The following AGAP1 variants were observed in gnomAD, a reference collection of about 807,000 sequenced individuals.
AGAP1 encodes arf-GAP with GTPase, ANK repeat and PH domain-containing protein 1.
AGAP1 carries 29 observed loss-of-function variants against 105.3 expected under a neutral mutation model. The observed-to-expected ratio is 0.28, with a 90% confidence interval of 0.21 to 0.38. AGAP1 has a LOEUF of 0.38. Ranked by LOEUF, AGAP1 falls within the 10% of genes least tolerant of loss-of-function variation. The pLI, the probability that AGAP1 is intolerant of heterozygous loss-of-function variation, is 1.00. For synonymous variants in AGAP1, 509 were observed against 485.9 expected, an observed-to-expected ratio of 1.05 and a Z score of -0.63; for missense variants, 998 against 1,165.1, an observed-to-expected ratio of 0.86 and a Z score of 2.09.
chr2:235,894,850 C>T (rs1031243707), intron 10 of AGAP1, among the ~76,000 whole-genome samples: 1 of 152,202 alleles, frequency 6.6e-6, no homozygotes, highest in Non-Finnish European at 1.5e-5. Context: ...TTGTGGTTTC[C>T]GATTCTGCCG....
At position 236,036,759 on chromosome 2, in the gene AGAP1, G is replaced by C. The variant is rs1293981192; in HGVS notation, c.1800+44G>C. On this transcript the variant is annotated intron_variant, in intron 14 of 17. Coordinates refer to ENST00000304032, the MANE Select transcript of AGAP1 (RefSeq NM_001037131.3). This position sits in a 1 kb window ranked among gnomAD's most constrained non-coding sequence, Gnocchi z 5.7. Reference sequence around the variant, plus strand: ...CAAAACCAAGGCTGGGGCTGCTCAGGGGGAGTGCGGGCCCCAAGTAATGCC... The same window carrying C: ...CAAAACCAAGGCTGGGGCTGCTCAGCGGGAGTGCGGGCCCCAAGTAATGCC... 1.2e-6 allele frequency: 2 copies of C among 1,609,818 alleles called. No individual in the cohort carries two copies. Among genetic ancestry groups the C allele is most frequent in the East Asian group, 4.5e-5 (2 of 44,862 alleles).
rs1350875003 is a variant in AGAP1, at chr2:235,733,173, C to T, written c.311-7790C>T. Among the ~76,000 whole-genome samples the T allele has an allele frequency of 6.6e-6, 1 of 152,202 alleles. No individual in the cohort carries two copies. Among genetic ancestry groups the T allele is most frequent in the Non-Finnish European group, 1.5e-5 (1 of 68,032 alleles). ...GTGGGAGGAATATATCATTGTTCCCCTTGAGGTGCCCCCCTGCGTGGGTCA... is the reference window on the plus strand; with the variant it reads ...GTGGGAGGAATATATCATTGTTCCCTTTGAGGTGCCCCCCTGCGTGGGTCA... On this transcript the variant is annotated intron_variant, in intron 3 of 17. Coordinates refer to ENST00000304032, the MANE Select transcript of AGAP1 (RefSeq NM_001037131.3). The surrounding 1 kb of genome is among the most constrained non-coding windows in gnomAD (Gnocchi z 5.0).
At position 235,953,194 on chromosome 2, in the gene AGAP1, A is replaced by C. The variant is rs1195914552; in HGVS notation, c.1484-15268A>C. Among the ~76,000 whole-genome samples, 7 of 152,204 alleles carry C rather than the reference A, an allele frequency of 4.6e-5. No homozygotes were observed. The highest frequency in any genetic ancestry group is 1.4e-4 in the African/African-American group (6 of 41,450). ...AATCACCTGGAACAAGAAGTTTTTC[A>C]AATATTTTAGGTGTTTACAAAATAT... On this transcript the variant is annotated intron_variant, in intron 12 of 17. Transcript: ENST00000304032. This position sits in a 1 kb window ranked among gnomAD's most constrained non-coding sequence, Gnocchi z 5.2.
Position 235,888,495 on chromosome 2 carries a change from G to A in AGAP1, c.1155+5046G>A, listed in dbSNP as rs559025808. 2.6e-5 allele frequency among the ~76,000 whole-genome samples: 4 copies of A among 152,204 alleles called. 1 individual carries two copies. The highest frequency in any genetic ancestry group is 4.1e-4 in the South Asian group (2 of 4,822). On this transcript the variant is annotated intron_variant, in intron 10 of 17. Transcript: ENST00000304032. This position sits in a 1 kb window ranked among gnomAD's most constrained non-coding sequence, Gnocchi z 4.8. ...TAGACAAGACAGGCAAGCAAGGGCC[G>A]AGTTGATAGACCTGCCTGGGCAACA...
chr2:235,868,391 G>A (rs1407392973), intron 9 of AGAP1, among the ~76,000 whole-genome samples: 1 of 152,142 alleles, frequency 6.6e-6, no homozygotes, highest in Non-Finnish European at 1.5e-5. Context: ...GGCCCCCGGT[G>A]TCTGTTAAAG....
chr2:235,991,585 C>A (rs959835075), intron 13 of AGAP1, among the ~76,000 whole-genome samples: 3 of 152,136 alleles, frequency 2.0e-5, no homozygotes, highest in Non-Finnish European at 4.4e-5. Flanking sequence ...CATTTCATTT[C>A]GTATAAGATT....
At chr2:235,528,716 G>A (rs1306893842) in intron 1 of AGAP1, among the ~76,000 whole-genome samples, 2 of 152,074 alleles carry the variant, frequency 1.3e-5, no homozygotes, top group Non-Finnish European at 2.9e-5. Context: ...TCGCTCTGTC[G>A]CCCAGGCTGG....
At position 235,874,743 on chromosome 2, in the gene AGAP1, G is replaced by A. The variant is rs1290340982; in HGVS notation, c.1051-8602G>A. Among the ~76,000 whole-genome samples, 1 of 152,126 alleles carries A rather than the reference G, an allele frequency of 6.6e-6. No individual in the cohort carries two copies. Among genetic ancestry groups the A allele is most frequent in the Non-Finnish European group, 1.5e-5 (1 of 68,006 alleles). The stretch of plus-strand genomic sequence containing the variant: ...TGGACATGTGAATGTGAAAGAGAAG[G>A]CACTCATGTATAGAACTCATTACAA... On this transcript the variant is annotated intron_variant, in intron 9 of 17. Coordinates refer to ENST00000304032, the MANE Select transcript of AGAP1 (RefSeq NM_001037131.3). The surrounding 1 kb of genome is among the most constrained non-coding windows in gnomAD (Gnocchi z 4.5).
rs1056274411 is a variant in AGAP1, at chr2:235,989,426, G to A, written c.1645+20803G>A. ...GGTGAAAACATCAGGAGGAGGGTCC[G>A]CAGCTCGATGGTGATGAGTGTAGGG... On this transcript the variant is annotated intron_variant, in intron 13 of 17. Transcript: ENST00000304032. This position sits in a 1 kb window ranked among gnomAD's most constrained non-coding sequence, Gnocchi z 4.4. Among the ~76,000 whole-genome samples, 5 of 152,144 alleles carry A rather than the reference G, an allele frequency of 3.3e-5. No individual in the cohort carries two copies. Among genetic ancestry groups the A allele is most frequent in the South Asian group, 2.1e-4 (1 of 4,814 alleles).
At position 235,960,338 on chromosome 2, in the gene AGAP1, C is replaced by G. The variant is rs1024859863; in HGVS notation, c.1484-8124C>G. 3.3e-5 allele frequency among the ~76,000 whole-genome samples: 5 copies of G among 152,128 alleles called. No individual in the cohort carries two copies. The highest frequency in any genetic ancestry group is 7.2e-5 in the African/African-American group (3 of 41,422). On this transcript the variant is annotated intron_variant, in intron 12 of 17. Coordinates refer to ENST00000304032, the MANE Select transcript of AGAP1 (RefSeq NM_001037131.3). The surrounding 1 kb of genome is among the most constrained non-coding windows in gnomAD (Gnocchi z 4.9). ...TTTTATCCCATGACAACCCTGTGTC[C>G]TCTGAAAAGCTTGCCTCCTTCTCCC... is the stretch of plus-strand genomic sequence containing the variant.
rs551721807 is a variant in AGAP1, at chr2:235,710,366, G to A, written c.222+1129G>A. 2.0e-4 allele frequency among the ~76,000 whole-genome samples: 30 copies of A among 152,368 alleles called. No individual in the cohort carries two copies. The South Asian group carries it at 6.2e-3, about 32-fold the overall frequency. ...TTAAACTTAGGAAATGAAGTACAATGAGTGGGAGGTGCCCTGAGGTGGGAA... is the reference window on the plus strand; with the variant it reads ...TTAAACTTAGGAAATGAAGTACAATAAGTGGGAGGTGCCCTGAGGTGGGAA... On this transcript the variant is annotated intron_variant, in intron 2 of 17. Coordinates refer to ENST00000304032, the MANE Select transcript of AGAP1 (RefSeq NM_001037131.3).
At chr2:235,995,196 T>C (rs1488525205) in intron 13 of AGAP1, among the ~76,000 whole-genome samples, 1 of 151,764 alleles carries the variant, frequency 6.6e-6, no homozygotes, top group East Asian at 1.9e-4. Context: ...AAAGCTGTCA[T>C]GCCCACCACC....
At position 235,535,991 on chromosome 2, in the gene AGAP1, C is replaced by T. The variant is rs775946417; in HGVS notation, c.163+41142C>T. On this transcript the variant is annotated intron_variant, in intron 1 of 17. Transcript: ENST00000304032. The surrounding 1 kb of genome is among the most constrained non-coding windows in gnomAD (Gnocchi z 5.1). Reference sequence around the variant, plus strand: ...GCTCTCCCAGAGCCGGCCTCACCTTCGAGACTCATGCTACTAAGTTGTCTT... The same window carrying T: ...GCTCTCCCAGAGCCGGCCTCACCTTTGAGACTCATGCTACTAAGTTGTCTT... Among the ~76,000 whole-genome samples, 1 of 152,020 alleles carries T rather than the reference C, an allele frequency of 6.6e-6. No individual in the cohort carries two copies. Among genetic ancestry groups the T allele is most frequent in the Non-Finnish European group, 1.5e-5 (1 of 68,030 alleles).
chr2:235,684,865 G>A (rs1035997565), intron 1 of AGAP1, among the ~76,000 whole-genome samples: 19 of 152,164 alleles, frequency 1.2e-4, no homozygotes, highest in African/African-American at 4.3e-4. Flanking sequence ...AGGAACACCA[G>A]GGCCTATTTT....
Position 236,056,448 on chromosome 2 carries a change from A to G in AGAP1, c.2114+7167A>G, listed in dbSNP as rs771523177. Among the ~76,000 whole-genome samples, 8 of 152,250 alleles carry G rather than the reference A, an allele frequency of 5.3e-5. No individual in the cohort carries two copies. The highest frequency in any genetic ancestry group is 1.0e-4 in the Non-Finnish European group (7 of 68,040). On this transcript the variant is annotated intron_variant, in intron 16 of 17. Transcript: ENST00000304032. The surrounding 1 kb of genome is among the most constrained non-coding windows in gnomAD (Gnocchi z 4.6). ...CCCCTGGCAGATGAGAAGGCAAGTC[A>G]TCAGCAGGCAGCAACTGGCTTCCAG...
chr2:235,773,568 G>C (rs1002319438), intron 6 of AGAP1, among the ~76,000 whole-genome samples: 1 of 152,134 alleles, frequency 6.6e-6, no homozygotes, highest in Non-Finnish European at 1.5e-5. Flanking sequence ...TGGGGTTTTC[G>C]TTCGATTTAG....
chr2:235,545,212 G>A (rs1943584532), intron 1 of AGAP1, among the ~76,000 whole-genome samples: 1 of 152,176 alleles, frequency 6.6e-6, no homozygotes. Context: ...TGCCATTGAG[G>A]AAAATCATTT....
chr2:235,502,826 A>G (rs1449951034), intron 1 of AGAP1, among the ~76,000 whole-genome samples: 3 of 151,786 alleles, frequency 2.0e-5, no homozygotes, highest in Non-Finnish European at 2.9e-5. Flanking sequence ...AGCATTCAAC[A>G]GGCTCTAGTA....
At chr2:235,986,626 A>T (rs1303272843) in intron 13 of AGAP1, among the ~76,000 whole-genome samples, 1 of 152,104 alleles carries the variant, frequency 6.6e-6, no homozygotes, top group African/African-American at 2.4e-5. Context: ...AATAGCTCTT[A>T]CTGTTTTGAG....
Sources: gnomAD v4.1 joint callset for allele counts (sites outside exome capture counted in the v4.1 genomes callset) on GRCh38, gnomAD v4.1.1 for gene constraint, Gnocchi (gnomAD v3.1) non-coding constraint, MANE v1.5 for transcripts, NCBI Gene and HGNC (gene_info 2026-07-23, HGNC 2026-07-21) for gene names.